Variants in ZC3H12B observed in about 807,000 individuals in gnomAD.
The protein encoded by ZC3H12B is probable ribonuclease ZC3H12B.
In ZC3H12B, 7 loss-of-function variants were observed where a neutral mutation model predicts 43.9. That is an observed-to-expected ratio of 0.16 (90% CI 0.09 to 0.30). The LOEUF (loss-of-function observed/expected upper bound fraction) is 0.30. Among genes scored for constraint, ZC3H12B ranks in the 10% least tolerant of loss-of-function variants. The pLI is 1.00. For missense variants in ZC3H12B, 475 were observed against 670.2 expected, an observed-to-expected ratio of 0.71 and a Z score of 3.22; for synonymous variants, 222 against 241.7, an observed-to-expected ratio of 0.92 and a Z score of 0.76.
chrX:65,181,484 A>G, the ZC3H12B span, among the ~76,000 whole-genome samples: 1 of 111,836 alleles, frequency 8.9e-6, no homozygotes, highest in East Asian at 2.8e-4. Flanking sequence ...AGAATGGGAG[A>G]AATTTTTTGC....
intron 3 of ZC3H12B, among the ~76,000 whole-genome samples, chrX:65,448,993 G>GAAAGAAAGAAAGAAAGAAAGAAAGAA (rs1569412222): frequency 1.2e-3 from 36 of 30,781 alleles, no homozygotes; most frequent in African/African-American, 3.7e-3. Flanking sequence ...AAGAAAGAAA[G>GAAAGAAAGAAAGAAAGAAAGAAAGAA]AGAGGAAAGA....
chrX:65,244,868 A>G, the ZC3H12B span, among the ~76,000 whole-genome samples: 3,189 of 111,303 alleles, frequency 0.029, 130 homozygotes, highest in African/African-American at 0.099. Context: ...AAATGACAAC[A>G]AAGTGCAAAC....
At chrX:65,303,262 C>T in the ZC3H12B span, among the ~76,000 whole-genome samples, 1 of 111,308 alleles carries the variant, frequency 9.0e-6, no homozygotes, top group East Asian at 2.8e-4. Flanking sequence ...TATTGATTAT[C>T]AGGCTTAGTA....
intron 3 of ZC3H12B, among the ~76,000 whole-genome samples, chrX:65,447,968 C>T (rs2067401508): frequency 9.0e-6 from 1 of 111,581 alleles, no homozygotes; most frequent in African/African-American, 3.3e-5. Context: ...CACGGTGGCT[C>T]ACACCTGTAA....
the ZC3H12B span, among the ~76,000 whole-genome samples, chrX:65,107,629 A>G: frequency 9.0e-6 from 1 of 111,086 alleles, no homozygotes; most frequent in African/African-American, 3.3e-5. Flanking sequence ...GGTGGAAGGT[A>G]ATTTAATCAT....
the ZC3H12B span, among the ~76,000 whole-genome samples, chrX:65,249,001 C>T: frequency 7.2e-5 from 8 of 111,092 alleles, no homozygotes; most frequent in Admixed American, 3.8e-4. Context: ...ATGGATAGAT[C>T]GTGAAGGTTT....
the ZC3H12B span, among the ~76,000 whole-genome samples, chrX:65,141,076 T>C: frequency 1.8e-5 from 2 of 111,271 alleles, no homozygotes; most frequent in East Asian, 2.8e-4. Flanking sequence ...TTTCTAATCT[T>C]TATTATTTAT....
chrX:65,388,461 G>A (rs2066562481), intron 2 of ZC3H12B, among the ~76,000 whole-genome samples: 1 of 111,923 alleles, frequency 8.9e-6, no homozygotes, highest in South Asian at 3.7e-4. Context: ...CATTCATCAC[G>A]TAGTTCTCGT....
chrX:65,358,359 C>A, the ZC3H12B span, among the ~76,000 whole-genome samples: 1 of 111,848 alleles, frequency 8.9e-6, no homozygotes, highest in African/African-American at 3.3e-5. Context: ...GAACTCTCCA[C>A]CCAAAGTCAA....
At chrX:65,098,758 G>A in the ZC3H12B span, among the ~76,000 whole-genome samples, 1 of 111,145 alleles carries the variant, frequency 9.0e-6, no homozygotes, top group African/African-American at 3.3e-5. Flanking sequence ...ATTTCCTCAT[G>A]TGCCTACATC....
intron 3 of ZC3H12B, among the ~76,000 whole-genome samples, chrX:65,433,076 G>A (rs889819356): frequency 8.9e-6 from 1 of 112,727 alleles, no homozygotes; most frequent in Non-Finnish European, 1.9e-5. Flanking sequence ...CGGAGAAAAA[G>A]GCATTTGCCA....
At chrX:65,462,025 A>C (rs1030912118) in intron 3 of ZC3H12B, among the ~76,000 whole-genome samples, 1 of 110,711 alleles carries the variant, frequency 9.0e-6, no homozygotes, top group Non-Finnish European at 1.9e-5. Context: ...GCTCTACCTT[A>C]GAAAAATTAA....
chrX:65,092,500 G>A, the ZC3H12B span, among the ~76,000 whole-genome samples: 1 of 111,855 alleles, frequency 8.9e-6, no homozygotes, highest in Non-Finnish European at 1.9e-5. Flanking sequence ...GCCAGGCTCA[G>A]GAGGTCTCAC....
At chrX:65,392,227 T>A (rs1252507091) in intron 2 of ZC3H12B, among the ~76,000 whole-genome samples, 4 of 109,771 alleles carry the variant, frequency 3.6e-5, no homozygotes, top group Non-Finnish European at 7.6e-5. Flanking sequence ...TGTCCACCAA[T>A]CATCTGGGAT....
the ZC3H12B span, chrX:65,331,075 C>T: frequency 1.9e-5 from 6 of 315,639 alleles, no homozygotes; most frequent in Admixed American, 2.0e-4. Flanking sequence ...ATGATTCAAC[C>T]CTATTTTTAT....
chrX:65,338,999 C>T, the ZC3H12B span, among the ~76,000 whole-genome samples: 1 of 111,974 alleles, frequency 8.9e-6, no homozygotes, highest in African/African-American at 3.2e-5. Flanking sequence ...TACTGAAAGT[C>T]CTAGCCAGAG....
chrX:65,322,601 G>A, the ZC3H12B span, among the ~76,000 whole-genome samples: 114 of 111,680 alleles, frequency 1.0e-3, no homozygotes, highest in African/African-American at 3.4e-3. Flanking sequence ...ATTTGTCTCC[G>A]TGTCTGTTTT....
the ZC3H12B span, chrX:65,271,148 G>C: frequency 1.8e-5 from 2 of 112,515 alleles, no homozygotes; most frequent in African/African-American, 6.5e-5. Context: ...TAGCGGTGCT[G>C]TCTAAGGCTC....
the ZC3H12B span, among the ~76,000 whole-genome samples, chrX:65,124,744 A>G: frequency 2.7e-5 from 3 of 110,705 alleles, no homozygotes; most frequent in Non-Finnish European, 5.7e-5. Flanking sequence ...ATTTATCCAT[A>G]TCCTCTGGAT....
Sources: gnomAD v4.1 joint callset for allele counts (sites outside exome capture counted in the v4.1 genomes callset) on GRCh38, gnomAD v4.1.1 for gene constraint, MANE v1.5 for transcripts, NCBI Gene and HGNC (gene_info 2026-07-23, HGNC 2026-07-21) for gene names.